The following PRRC2B variants were observed in gnomAD, a reference collection of about 807,000 sequenced individuals.
PRRC2B encodes the protein proline rich coiled-coil 2B, also known as protein PRRC2B.
PRRC2B carries 68 observed loss-of-function variants against 242.3 expected under a neutral mutation model. The ratio of observed to expected loss-of-function variants is 0.28; its 90% CI spans 0.23 to 0.34. The LOEUF (loss-of-function observed/expected upper bound fraction) is 0.34, where lower values mean the gene tolerates loss of function less well. Among genes scored for constraint, PRRC2B ranks in the 10% least tolerant of loss-of-function variants. The pLI, the probability that PRRC2B is intolerant of heterozygous loss-of-function variation, is 1.00. For synonymous variants in PRRC2B, 1,228 were observed against 1,173.6 expected (o/e 1.05, Z -0.95); for missense variants, 2,835 against 2,954.8 (o/e 0.96, Z 0.94).
chr9:131,409,352 G>A (rs966582377), intron 1 of PRRC2B, among the ~76,000 whole-genome samples: 1 of 151,856 alleles, frequency 6.6e-6, no homozygotes, highest in Non-Finnish European at 1.5e-5. Flanking sequence ...GCTAATTTTT[G>A]TATTTTTAGT....
rs1943686648 is a variant in PRRC2B at position 131,476,075 on chromosome 9, C to T, written c.3946C>T (p.Leu1316Phe). The T allele has an allele frequency of 6.2e-7, 1 of 1,607,576 alleles. No homozygotes were observed. Residue 1316 changes from leucine (L) to phenylalanine (F), a missense_variant, in exon 16 of 32, where the codon CTC becomes TTC. Leu to Phe is a conservative substitution (Grantham distance 22). This residue lies in a region of PRRC2B where 1,536 missense variants were observed against 1,483.1 expected (regional missense o/e 1.04). Coordinates refer to ENST00000683519, the MANE Select transcript of PRRC2B (RefSeq NM_013318.4). ...AGATAAGCCCCCTCGATTCCGGCGC[C>T]TCCGGCAAGAGCGGGAGTCCCTGGG... Reference protein sequence around the residue: ...RQDKPPRFRRLRQERESLGLW... With the variant: ...RQDKPPRFRRFRQERESLGLW...
intron 1 of PRRC2B, among the ~76,000 whole-genome samples, chr9:131,426,793 A>G (rs987463227): frequency 6.6e-6 from 1 of 152,184 alleles, no homozygotes; most frequent in African/African-American, 2.4e-5. Flanking sequence ...AGACTCTCTT[A>G]CGCCCTCTAG....
Position 131,475,163 on chromosome 9 carries a change from A to G in PRRC2B, c.3034A>G (p.Thr1012Ala), listed in dbSNP as rs749971958. The change falls in exon 16 of 32, where the codon ACT (threonine) becomes GCT (alanine). Residue 1012 changes from threonine (T) to alanine (A), a missense_variant. This residue lies in a region of PRRC2B where 1,536 missense variants were observed against 1,483.1 expected (regional missense o/e 1.04). Coordinates refer to ENST00000683519, the MANE Select transcript of PRRC2B (RefSeq NM_013318.4). ...GGAGGACAAAGGCCCTGGCCATGCC[A>G]CTTTTGGCCGCGAGGCCACCAAATT... is the stretch of plus-strand genomic sequence containing the variant. Reference protein sequence around the residue: ...TLEDKGPGHATFGREATKFEE... With the variant: ...TLEDKGPGHAAFGREATKFEE... 1.9e-5 allele frequency: 30 copies of G among 1,613,304 alleles called. No homozygotes were observed. Among genetic ancestry groups the G allele is most frequent in the Non-Finnish European group, 2.3e-5 (27 of 1,179,660 alleles).
rs1943891456 is a variant in PRRC2B, at chr9:131,482,272, G to A, written c.4984-99G>A. 2.3e-6 allele frequency: 3 copies of A among 1,326,490 alleles called. No individual in the cohort carries two copies. The South Asian group carries it at 4.3e-5, about 19-fold the overall frequency. 82.2% of individuals were successfully genotyped at this position (1,326,490 alleles called of 1,614,324 possible). On this transcript the variant is annotated intron_variant, in intron 20 of 31. Transcript: ENST00000683519. The surrounding 1 kb of genome is among the most constrained non-coding windows in gnomAD (Gnocchi z 5.2). ...CAGGACCAGACTTGGCAAGGGACAGGCAGCTGGGGTAGAAAAGTCTCTGTG... is the reference window on the plus strand; with the variant it reads ...CAGGACCAGACTTGGCAAGGGACAGACAGCTGGGGTAGAAAAGTCTCTGTG...
At chr9:131,383,526 T>TA (rs1836787833) in intron 1 of PRRC2B, among the ~76,000 whole-genome samples, 1 of 151,966 alleles carries the variant, frequency 6.6e-6, no homozygotes, top group Admixed American at 6.6e-5. Context: ...GTCTGGCAGG[T>TA]AGTGAAAGAA....
intron 9 of PRRC2B, among the ~76,000 whole-genome samples, chr9:131,448,570 A>AAAAAAAAAAAAAAAG (rs1838902755): frequency 7.1e-6 from 1 of 140,432 alleles, no homozygotes; most frequent in African/African-American, 2.6e-5. Context: ...AAAAAAAAAA[A>AAAAAAAAAAAAAAAG]GGAAAGAGAA....
intron 1 of PRRC2B, among the ~76,000 whole-genome samples, chr9:131,380,305 C>T (rs1490750435): frequency 1.3e-5 from 2 of 150,674 alleles, no homozygotes; most frequent in African/African-American, 4.9e-5. Context: ...GGCACGGGCA[C>T]GGTGGCTCAC....
At chr9:131,474,426 T>C (rs1167992921) in intron 15 of PRRC2B, 28 bp from the exon 16 acceptor site, 7 of 1,578,256 alleles carry the variant, frequency 4.4e-6, no homozygotes, top group Non-Finnish European at 6.0e-6. Context: ...TCCAATCGCA[T>C]TGACTGATTT....
At chr9:131,478,354 G>C in intron 17 of PRRC2B, 120 bp from the exon 18 acceptor site, 1 of 977,588 alleles carries the variant, frequency 1.0e-6, no homozygotes, top group African/African-American at 1.6e-5. Flanking sequence ...AGAAAAGTGC[G>C]GAAGTCCTGT....
At chr9:131,470,000 G>T (rs1460274048) in intron 13 of PRRC2B, among the ~76,000 whole-genome samples, 1 of 152,114 alleles carries the variant, frequency 6.6e-6, no homozygotes, top group Non-Finnish European at 1.5e-5. Context: ...GGTCTCGTCT[G>T]GGGGTTACGA....
At position 131,446,435 on chromosome 9, in the gene PRRC2B, CAT is replaced by C; in HGVS notation, c.650_651del (p.Ile217AsnfsTer12). ...GCTGGAGGGAGGGCGGTGGGCGACA[CAT>C]AATTTCTGCCACGTCTCTGAGCACC... is the stretch of plus-strand genomic sequence containing the variant. ...TSWREGGGRH[I>X]ISATSLSTSP... On this transcript the variant is annotated frameshift_variant, in exon 7 of 32. Coordinates refer to ENST00000683519, the MANE Select transcript of PRRC2B (RefSeq NM_013318.4). LOFTEE classifies it high-confidence loss of function. This position sits in a 1 kb window ranked among gnomAD's most constrained non-coding sequence, Gnocchi z 4.1. 6.2e-7 allele frequency: 1 copy of C among 1,613,740 alleles called. No individual in the cohort carries two copies. The highest frequency in any genetic ancestry group is 8.5e-7 in the Non-Finnish European group (1 of 1,179,858).
intron 24 of PRRC2B, 58 bp from the exon 25 acceptor site, chr9:131,484,890 C>G: frequency 6.3e-7 from 1 of 1,578,246 alleles, no homozygotes; most frequent in Non-Finnish European, 8.6e-7. Context: ...TAGATTGGCT[C>G]TGTCCACTGC....
intron 1 of PRRC2B, among the ~76,000 whole-genome samples, chr9:131,411,254 C>T (rs369012360): frequency 2.6e-5 from 4 of 151,776 alleles, no homozygotes; most frequent in African/African-American, 9.7e-5. Flanking sequence ...GAGACTGTGT[C>T]GGCAGGGGAA....
chr9:131,486,064 C>T (rs761224272), intron 25 of PRRC2B, 21 bp from the exon 26 acceptor site: 31 of 1,547,576 alleles, frequency 2.0e-5, no homozygotes, highest in Non-Finnish European at 2.7e-5. Context: ...TTCTACGTCC[C>T]TTTTGCCGCT....
chr9:131,461,257 C>T lies in PRRC2B; in HGVS notation c.1404+1901C>T, dbSNP rs575020612. On this transcript the variant is annotated intron_variant, in intron 11 of 31. Transcript: ENST00000683519. Reference sequence around the variant, plus strand: ...ATGTCATTGTCCCCACTCCTGGATGCCCTGAATGTCCCTGCTGGGCCAACT... The same window carrying T: ...ATGTCATTGTCCCCACTCCTGGATGTCCTGAATGTCCCTGCTGGGCCAACT... 1.2e-4 allele frequency among the ~76,000 whole-genome samples: 18 copies of T among 152,346 alleles called. 1 individual carries two copies. The South Asian group carries it at 3.7e-3, about 32-fold the overall frequency.
At chr9:131,387,381 T>G (rs1479961088) in intron 1 of PRRC2B, among the ~76,000 whole-genome samples, 1 of 133,870 alleles carries the variant, frequency 7.5e-6, no homozygotes, top group Non-Finnish European at 1.6e-5. Flanking sequence ...AGATTAAGGG[T>G]GGGTCTGCCT....
At chr9:131,442,742 G>A (rs72772612) in intron 5 of PRRC2B, among the ~76,000 whole-genome samples, 1,534 of 152,246 alleles carry the variant, frequency 0.01, 24 homozygotes, top group Non-Finnish European at 0.013. Flanking sequence ...GTGTGGTGTC[G>A]CCACTGTTCC....
intron 1 of PRRC2B, among the ~76,000 whole-genome samples, chr9:131,373,912 A>C (rs2131259346): frequency 6.6e-6 from 1 of 152,268 alleles, no homozygotes. Flanking sequence ...ACAAAAGATT[A>C]GCAGGGCGCG....
chr9:131,478,724 G>T, intron 18 of PRRC2B, 105 bp downstream of exon 18: 1 of 759,830 alleles, frequency 1.3e-6, no homozygotes. Flanking sequence ...AGCTCAAGGT[G>T]GCAGAGAGGA....
Sources: allele counts gnomAD v4.1 joint callset (sites outside exome capture counted in the v4.1 genomes callset), GRCh38; gene constraint gnomAD v4.1.1; regional missense constraint gnomAD v4.1.1; non-coding constraint Gnocchi (gnomAD v3.1); transcripts MANE v1.5; gene names NCBI Gene and HGNC (gene_info 2026-07-23, HGNC 2026-07-21).